Variants in ITCH observed in about 807,000 individuals in gnomAD.
ITCH encodes E3 ubiquitin-protein ligase Itchy homolog.
Under a neutral mutation model 126.8 loss-of-function variants are expected in ITCH, and 28 were observed. The ratio of observed to expected loss-of-function variants is 0.22; its 90% CI spans 0.16 to 0.30. The LOEUF (loss-of-function observed/expected upper bound fraction) is 0.30. ITCH is among the 10% of genes least tolerant of loss of function. ITCH has a pLI of 1.00. For missense variants in ITCH, 631 were observed against 1,032.4 expected, an observed-to-expected ratio of 0.61 and a Z score of 5.33; for synonymous variants, 342 against 340.0, an observed-to-expected ratio of 1.01 and a Z score of -0.06.
intron 5 of ITCH, 74 bp from the exon 6 acceptor site, chr20:34,413,668 T>C: frequency 7.4e-7 from 1 of 1,354,352 alleles, no homozygotes; most frequent in Non-Finnish European, 1.0e-6. Flanking sequence ...TTTTTAACAG[T>C]TAATTTTTAA....
At chr20:34,406,697 G>A (rs912351187) in intron 3 of ITCH, among the ~76,000 whole-genome samples, 5 of 152,070 alleles carry the variant, frequency 3.3e-5, no homozygotes, top group Non-Finnish European at 7.4e-5. Context: ...ACCACGCCCG[G>A]CTAATTTTTT....
intron 2 of ITCH, among the ~76,000 whole-genome samples, chr20:34,391,495 A>T (rs899384249): frequency 2.0e-5 from 3 of 152,194 alleles, no homozygotes; most frequent in Non-Finnish European, 4.4e-5. Context: ...GTCATTAATA[A>T]GTTACTTATT....
At chr20:34,499,731 T>A (rs1990135128) in intron 23 of ITCH, among the ~76,000 whole-genome samples, 1 of 152,118 alleles carries the variant, frequency 6.6e-6, no homozygotes, top group East Asian at 1.9e-4. Context: ...TTCTAGTAAT[T>A]TTGGGTTTGC....
intron 2 of ITCH, among the ~76,000 whole-genome samples, chr20:34,373,951 C>CA (rs2037739576): frequency 6.6e-6 from 1 of 151,650 alleles, no homozygotes; most frequent in African/African-American, 2.4e-5. Flanking sequence ...GTGGCACAGT[C>CA]TTGGCTGACT....
At chr20:34,489,145 TTATGTTC>T in intron 20 of ITCH, 114 bp from the exon 21 acceptor site, 1 of 778,900 alleles carries the variant, frequency 1.3e-6, no homozygotes, top group Non-Finnish European at 2.0e-6. Context: ...AGGGGGTTCA[TTATGTTC>T]TATTTTTGAA....
At chr20:34,438,715 A>G in intron 8 of ITCH, 84 bp downstream of exon 8, 1 of 1,499,866 alleles carries the variant, frequency 6.7e-7, no homozygotes. Flanking sequence ...AAATTCTTTT[A>G]GGTGAATTTT....
intron 3 of ITCH, 95 bp downstream of exon 3, chr20:34,393,976 A>G: frequency 8.5e-7 from 1 of 1,181,822 alleles, no homozygotes. Context: ...CCATGCCTGT[A>G]ATCCCAGCAC....
chr20:34,432,048 CAA>C (rs10668679), intron 7 of ITCH, among the ~76,000 whole-genome samples: 8 of 92,216 alleles, frequency 8.7e-5, no homozygotes, highest in Admixed American at 2.6e-4. Context: ...GATTCTATGT[CAA>C]AAAAAAAAAA....
intron 10 of ITCH, among the ~76,000 whole-genome samples, chr20:34,443,737 C>T (rs540036246): frequency 6.6e-6 from 1 of 152,240 alleles, no homozygotes; most frequent in African/African-American, 2.4e-5. Flanking sequence ...GAAATCCTAG[C>T]ACTTTGGGGG....
chr20:34,373,497 A>G (rs755844060), intron 2 of ITCH, among the ~76,000 whole-genome samples: 4 of 152,222 alleles, frequency 2.6e-5, no homozygotes, highest in Middle Eastern at 3.4e-3. Context: ...GCTGGTCTCA[A>G]ACTCCTGACT....
chr20:34,397,190 T>G (rs953493816), intron 3 of ITCH, among the ~76,000 whole-genome samples: 2 of 152,086 alleles, frequency 1.3e-5, no homozygotes, highest in Non-Finnish European at 2.9e-5. Flanking sequence ...GCCTGGCTAA[T>G]TTTTGCATTT....
intron 3 of ITCH, among the ~76,000 whole-genome samples, chr20:34,394,670 G>A (rs977630951): frequency 2.0e-5 from 3 of 152,228 alleles, no homozygotes; most frequent in East Asian, 1.9e-4. Context: ...GAGAAAAGGC[G>A]TACATCTTAT....
At chr20:34,385,214 TGTGTGTGG>T (rs1437024473) in intron 2 of ITCH, among the ~76,000 whole-genome samples, 18 of 134,652 alleles carry the variant, frequency 1.3e-4, no homozygotes, top group African/African-American at 4.2e-4. Flanking sequence ...TGTGTGTGTG[TGTGTGTGG>T]TTTTTTTTTT....
At chr20:34,411,722 C>T (rs1474000112) in intron 4 of ITCH, among the ~76,000 whole-genome samples, 1 of 152,132 alleles carries the variant, frequency 6.6e-6, no homozygotes, top group African/African-American at 2.4e-5. Flanking sequence ...TGGAATTTGT[C>T]TTTATATCAT....
At chr20:34,434,326 A>G (rs1190515144) in intron 7 of ITCH, among the ~76,000 whole-genome samples, 3 of 152,176 alleles carry the variant, frequency 2.0e-5, no homozygotes, top group African/African-American at 7.2e-5. Flanking sequence ...AATAAAATGC[A>G]CTAACTATAT....
intron 23 of ITCH, among the ~76,000 whole-genome samples, chr20:34,497,813 G>A (rs975818071): frequency 5.9e-5 from 9 of 152,112 alleles, no homozygotes; most frequent in African/African-American, 1.7e-4. Flanking sequence ...CCTGAACTCC[G>A]GTGATCCGCC....
At position 34,509,224 on chromosome 20, in the gene ITCH, G is replaced by T; in HGVS notation, c.*1430G>T. 1 of 152,378 alleles carries T rather than the reference G, an allele frequency of 6.6e-6. No individual in the cohort carries two copies. The allele number at this position is 152,378 out of a possible 1,614,324, so 9.4% of individuals were successfully genotyped here. A position where few individuals can be genotyped will look rare whatever the true frequency, so the allele number is the denominator to read the frequency against. ...AATTATTTTAACTTGGCCTAGCTTCGACTGTCAAGGTGGCTGTTATAAATT... is the reference window on the plus strand; with the variant it reads ...AATTATTTTAACTTGGCCTAGCTTCTACTGTCAAGGTGGCTGTTATAAATT... On this transcript the variant is annotated 3_prime_UTR_variant, in exon 25 of 25. Transcript: ENST00000374864.
At chr20:34,443,374 G>A (rs1234351866) in intron 10 of ITCH, among the ~76,000 whole-genome samples, 2 of 151,852 alleles carry the variant, frequency 1.3e-5, no homozygotes, top group Non-Finnish European at 2.9e-5. Flanking sequence ...GCTGGGTGTT[G>A]TGGCGCGCCT....
intron 23 of ITCH, among the ~76,000 whole-genome samples, chr20:34,498,191 AACTTT>A (rs1407495411): frequency 9.2e-5 from 14 of 152,332 alleles, no homozygotes; most frequent in African/African-American, 2.2e-4. Context: ...TGTATCCTAC[AACTTT>A]ACTTAATGTG....
Sources: allele counts gnomAD v4.1 joint callset (sites outside exome capture counted in the v4.1 genomes callset), GRCh38; gene constraint gnomAD v4.1.1; transcripts MANE v1.5; gene names NCBI Gene and HGNC (gene_info 2026-07-23, HGNC 2026-07-21).